Variants in LRP1B observed in about 807,000 individuals in gnomAD.
LRP1B encodes low-density lipoprotein receptor-related protein 1B.
Under a neutral mutation model 556.6 loss-of-function variants are expected in LRP1B, and 217 were observed. That is an observed-to-expected ratio of 0.39 (90% CI 0.35 to 0.44). The LOEUF is 0.44. Among genes scored for constraint, LRP1B ranks in the 20% least tolerant of loss-of-function variants. The pLI is 1.00. For synonymous variants in LRP1B, 2,047 were observed against 1,865.8 expected, an observed-to-expected ratio of 1.10 and a Z score of -2.50; for missense variants, 5,053 against 5,620.8, an observed-to-expected ratio of 0.90 and a Z score of 3.23.
chr2:141,975,658 A>C (rs1701865590), intron 1 of LRP1B, among the ~76,000 whole-genome samples: 2 of 152,052 alleles, frequency 1.3e-5, no homozygotes, highest in East Asian at 3.9e-4. Context: ...TTTTCTATTC[A>C]TCAACACCAA....
At chr2:140,747,065 A>C (rs1292060579) in intron 35 of LRP1B, among the ~76,000 whole-genome samples, 1 of 152,188 alleles carries the variant, frequency 6.6e-6, no homozygotes, top group African/African-American at 2.4e-5. Context: ...CAAGTAACTT[A>C]AGGTTTCTGG....
chr2:141,958,235 A>AAGACAGTC (rs1701313125), intron 1 of LRP1B, among the ~76,000 whole-genome samples: 1 of 152,038 alleles, frequency 6.6e-6, no homozygotes, highest in Admixed American at 6.6e-5. Context: ...CTTTGTTCAG[A>AAGACAGTC]AGACAGTCCT....
intron 60 of LRP1B, among the ~76,000 whole-genome samples, chr2:140,464,173 G>A (rs963786101): frequency 6.6e-6 from 1 of 151,950 alleles, no homozygotes; most frequent in Non-Finnish European, 1.5e-5. Context: ...TTCAGCCTGG[G>A]TGACAGAGCA....
Position 141,134,078 on chromosome 2 carries a change from C to A in LRP1B, c.1013+54343G>T, listed in dbSNP as rs542111140. 5.9e-5 allele frequency among the ~76,000 whole-genome samples: 9 copies of A among 151,950 alleles called. 1 individual carries two copies. In the Middle Eastern group the frequency reaches 0.01, roughly 172 times the overall value. ...ACCACCATGCACTCAGTCACTCACA[C>A]AAGAAATTCCCCTACCCGCCACCGC... On this transcript the variant is annotated intron_variant, in intron 7 of 90. Transcript: ENST00000389484.
intron 3 of LRP1B, among the ~76,000 whole-genome samples, chr2:141,308,674 G>C (rs896292283): frequency 1.5e-4 from 23 of 151,962 alleles, no homozygotes; most frequent in African/African-American, 5.3e-4. Context: ...AATAGATTTG[G>C]CACACAAAGT....
intron 35 of LRP1B, among the ~76,000 whole-genome samples, chr2:140,717,814 GT>G (rs1306827264): frequency 2.0e-5 from 3 of 152,038 alleles, no homozygotes; most frequent in Admixed American, 1.3e-4. Flanking sequence ...AAGCTTTGAG[GT>G]TCTGTTTCAA....
chr2:140,512,613 G>A (rs1689715051), intron 51 of LRP1B, among the ~76,000 whole-genome samples: 1 of 152,092 alleles, frequency 6.6e-6, no homozygotes, highest in Non-Finnish European at 1.5e-5. Flanking sequence ...ATTTCTGTGA[G>A]TTTCTCTTTT....
At chr2:140,721,795 G>T (rs375056101) in intron 35 of LRP1B, among the ~76,000 whole-genome samples, 1 of 150,348 alleles carries the variant, frequency 6.7e-6, no homozygotes, top group Non-Finnish European at 1.5e-5. Flanking sequence ...CTGACCTCGT[G>T]ATCCGTCCAC....
At chr2:141,453,033 C>T (rs781470794) in intron 3 of LRP1B, among the ~76,000 whole-genome samples, 3 of 151,936 alleles carry the variant, frequency 2.0e-5, no homozygotes, top group African/African-American at 7.3e-5. Flanking sequence ...GTCAGGAGTT[C>T]GAGACCAGGT....
chr2:141,543,927 T>G (rs1685363318), intron 2 of LRP1B, among the ~76,000 whole-genome samples: 1 of 152,042 alleles, frequency 6.6e-6, no homozygotes, highest in African/African-American at 2.4e-5. Flanking sequence ...GCTCTTTTCC[T>G]TTCTCCCATC....
chr2:141,398,416 T>A (rs2104919773), intron 3 of LRP1B, among the ~76,000 whole-genome samples: 1 of 152,296 alleles, frequency 6.6e-6, no homozygotes, highest in Non-Finnish European at 1.5e-5. Context: ...AATATTTATC[T>A]ATTGCAAACA....
intron 10 of LRP1B, 93 bp downstream of exon 10, chr2:141,055,023 C>A (rs1699138226): frequency 4.3e-6 from 6 of 1,399,464 alleles, no homozygotes; most frequent in Non-Finnish European, 4.9e-6. Context: ...GTTGAAGTCT[C>A]ATGTTATGAC....
At chr2:141,445,248 C>A (rs183268019) in intron 3 of LRP1B, among the ~76,000 whole-genome samples, 1 of 151,998 alleles carries the variant, frequency 6.6e-6, no homozygotes, top group Non-Finnish European at 1.5e-5. Flanking sequence ...ATGGTAGTTT[C>A]TATTTCTGTG....
At position 140,385,913 on chromosome 2, in the gene LRP1B, T is replaced by C. The variant is rs368178283; in HGVS notation, c.10511A>G (p.Asn3504Ser). The C allele has an allele frequency of 1.1e-5, 18 of 1,610,394 alleles. No homozygotes were observed. The highest frequency in any genetic ancestry group is 3.3e-4 in the Middle Eastern group (2 of 6,050). Residue 3504 changes from asparagine (N) to serine (S), a missense_variant, in exon 67 of 91, where the codon AAT becomes AGT. This residue lies in a region of LRP1B where 262 missense variants were observed against 395.1 expected (regional missense o/e 0.66). Coordinates refer to ENST00000389484, the MANE Select transcript of LRP1B (RefSeq NM_018557.3). ...CTTACTACAGTTTTCTTCATCTGAA[T>C]TATCACTGCAGTCATTTTGGCTATC... Reference protein sequence around the residue: ...RCDSQNDCSDNSDEENCKPQT... With the variant: ...RCDSQNDCSDSSDEENCKPQT...
At chr2:140,462,845 A>T (rs1307823618) in intron 60 of LRP1B, among the ~76,000 whole-genome samples, 4 of 152,196 alleles carry the variant, frequency 2.6e-5, no homozygotes, top group Non-Finnish European at 5.9e-5. Flanking sequence ...TAGCTTGACT[A>T]AAACACCATC....
At chr2:140,340,995 A>G (rs941356307) in intron 77 of LRP1B, among the ~76,000 whole-genome samples, 2 of 151,648 alleles carry the variant, frequency 1.3e-5, no homozygotes, top group Non-Finnish European at 3.0e-5. Flanking sequence ...TGAAGACAGT[A>G]ACAAACACAT....
intron 84 of LRP1B, among the ~76,000 whole-genome samples, chr2:140,278,170 A>G (rs943456715): frequency 1.3e-5 from 2 of 151,978 alleles, no homozygotes; most frequent in African/African-American, 4.8e-5. Flanking sequence ...GTTAAGTTGA[A>G]TCTATGGTTT....
chr2:140,312,069 GA>G (rs144718968), intron 83 of LRP1B, among the ~76,000 whole-genome samples: 3 of 151,652 alleles, frequency 2.0e-5, no homozygotes, highest in South Asian at 2.1e-4. Context: ...ACTTCCGGGG[GA>G]AAAAAAATCC....
At chr2:142,057,759 C>T (rs1012501819) in intron 1 of LRP1B, among the ~76,000 whole-genome samples, 5 of 152,112 alleles carry the variant, frequency 3.3e-5, no homozygotes, top group African/African-American at 9.7e-5. Flanking sequence ...GTGTGTCTCT[C>T]GCCTTAAACC....
Sources: gnomAD v4.1 joint callset for allele counts (sites outside exome capture counted in the v4.1 genomes callset) on GRCh38, gnomAD v4.1.1 for gene constraint, gnomAD v4.1.1 regional missense constraint, MANE v1.5 for transcripts, NCBI Gene and HGNC (gene_info 2026-07-23, HGNC 2026-07-21) for gene names.